The following ZUP1 variants were observed in gnomAD, a reference collection of about 807,000 sequenced individuals.
ZUP1 encodes zinc finger containing ubiquitin peptidase 1, also known as zinc finger-containing ubiquitin peptidase 1.
Under a neutral mutation model 68.1 loss-of-function variants are expected in ZUP1, and 55 were observed. The observed-to-expected ratio is 0.81, with a 90% confidence interval of 0.65 to 1.01. The LOEUF (loss-of-function observed/expected upper bound fraction) is 1.01, where lower values mean the gene tolerates loss of function less well. Ranked by LOEUF, ZUP1 falls within the 50% of genes least tolerant of loss-of-function variation. ZUP1 has a pLI of 0.00. For missense variants in ZUP1, 684 were observed against 674.9 expected (o/e 1.01, Z -0.15); for synonymous variants, 223 against 221.5 (o/e 1.01, Z -0.06).
chr6:116,642,267 A>G (rs1431524816), intron 9 of ZUP1, among the ~76,000 whole-genome samples: 2 of 152,212 alleles, frequency 1.3e-5, no homozygotes, highest in African/African-American at 4.8e-5. Flanking sequence ...ACAAGGAGGA[A>G]CTGGTAACAT....
At chr6:116,650,695 C>T (rs1464391981) in intron 7 of ZUP1, among the ~76,000 whole-genome samples, 1 of 152,054 alleles carries the variant, frequency 6.6e-6, no homozygotes, top group Non-Finnish European at 1.5e-5. Flanking sequence ...CAGTCTCGCT[C>T]CAAAGTTCAA....
rs1177256478 is a variant in ZUP1, at chr6:116,656,788, T to C, written c.857A>G (p.Glu286Gly). ...TGGAGGCATTCTTCCCCTATTTACT[T>C]CTATCTCCATATTTCGTAGTTGTTG... is the stretch of plus-strand genomic sequence containing the variant. Reference protein sequence around the residue: ...KQQQLRNMEIEVNRGRMPPSE... With the variant: ...KQQQLRNMEIGVNRGRMPPSE... The change falls in exon 5 of 10, where the codon GAA becomes GGA. Residue 286 changes from glutamate (E) to glycine (G), a missense_variant. By Grantham distance (98) the Glu-to-Gly change is moderately conservative. Coordinates refer to ENST00000368576, the MANE Select transcript of ZUP1 (RefSeq NM_145062.3). The C allele has an allele frequency of 1.2e-6, 2 of 1,610,914 alleles. No homozygotes were observed. The highest frequency in any genetic ancestry group is 1.7e-6 in the Non-Finnish European group (2 of 1,177,892).
intron 9 of ZUP1, among the ~76,000 whole-genome samples, chr6:116,640,165 C>T (rs34350461): frequency 0.36 from 54,366 of 151,070 alleles, 10,264 homozygotes; most frequent in African/African-American, 0.49. Flanking sequence ...ATGAACAAAG[C>T]CTCCAAGAAA....
intron 2 of ZUP1, among the ~76,000 whole-genome samples, chr6:116,663,891 G>A (rs1776916540): frequency 2.0e-5 from 3 of 152,024 alleles, no homozygotes; most frequent in African/African-American, 7.2e-5. Context: ...AGGCTGCAGT[G>A]AGCCATGATC....
Position 116,667,784 on chromosome 6 carries a change from T to C in ZUP1, c.-15-577A>G, listed in dbSNP as rs1215071228. ...GGTGGAAGCCAAAATGCCAACCCCG[T>C]CGTGCTCCACAGCCTGTACTCTCAG... On this transcript the variant is annotated intron_variant, in intron 1 of 9. Transcript: ENST00000368576. Among the ~76,000 whole-genome samples the C allele has an allele frequency of 2.0e-4, 31 of 152,080 alleles. 1 individual carries two copies. The highest frequency in any genetic ancestry group is 2.0e-3 in the Admixed American group (31 of 15,262).
At chr6:116,648,204 CCT>C (rs1776373723) in intron 7 of ZUP1, among the ~76,000 whole-genome samples, 1 of 152,212 alleles carries the variant, frequency 6.6e-6, no homozygotes, top group East Asian at 1.9e-4. Context: ...TGGTATTCTT[CCT>C]TCAAGAGGAA....
At chr6:116,645,392 G>C (rs1402190852) in intron 9 of ZUP1, among the ~76,000 whole-genome samples, 1 of 151,672 alleles carries the variant, frequency 6.6e-6, no homozygotes, top group Non-Finnish European at 1.5e-5. Context: ...ACCAGCCTGG[G>C]CACCATGGTG....
intron 9 of ZUP1, among the ~76,000 whole-genome samples, chr6:116,639,762 ACT>A (rs1467477848): frequency 2.0e-5 from 3 of 152,178 alleles, no homozygotes; most frequent in Non-Finnish European, 2.9e-5. Context: ...AAAACTGGAA[ACT>A]CTAAAAAGCA....
At chr6:116,649,496 C>T (rs199890129) in intron 7 of ZUP1, among the ~76,000 whole-genome samples, 4 of 151,558 alleles carry the variant, frequency 2.6e-5, no homozygotes, top group African/African-American at 9.7e-5. Context: ...AAATGGAGAC[C>T]GTATGTTTCA....
intron 9 of ZUP1, among the ~76,000 whole-genome samples, chr6:116,639,072 G>A (rs758122968): frequency 6.6e-6 from 1 of 152,222 alleles, no homozygotes; most frequent in Non-Finnish European, 1.5e-5. Context: ...CGCCCACGGA[G>A]TCTCCCTGAT....
intron 5 of ZUP1, 64 bp from the exon 6 acceptor site, chr6:116,652,256 T>G (rs1776531255): frequency 3.1e-6 from 4 of 1,306,294 alleles, no homozygotes; most frequent in African/African-American, 1.5e-5. Context: ...TCATACATTT[T>G]TAATATCAAC....
chr6:116,666,699 T>A lies in ZUP1; in HGVS notation c.494A>T (p.His165Leu), dbSNP rs1296128741. 2 of 1,612,582 alleles carry A rather than the reference T, an allele frequency of 1.2e-6. No individual in the cohort carries two copies. The highest frequency in any genetic ancestry group is 1.7e-6 in the Non-Finnish European group (2 of 1,179,620). ...CACATGAGTTTCCATATCTTCACTG[T>A]GCTCCTCTATTTTTCCACAGAATGG... The part of the protein sequence containing the change: ...ECPFCGKIEE[H>L]SEDMETHVKT... Residue 165 changes from histidine (H) to leucine (L), a missense_variant, in exon 2 of 10, where the codon CAC (histidine) becomes CTC (leucine). By Grantham distance (99) the His-to-Leu change is moderately conservative. Transcript: ENST00000368576.
intron 9 of ZUP1, among the ~76,000 whole-genome samples, chr6:116,641,975 C>T (rs921955874): frequency 1.3e-5 from 2 of 151,956 alleles, no homozygotes; most frequent in African/African-American, 4.8e-5. Context: ...AAGAATCAAA[C>T]AGACGCAATA....
chr6:116,658,782 AATTGTT>A lies in ZUP1; in HGVS notation c.792+15_792+20del. 6.5e-7 allele frequency: 1 copy of A among 1,535,904 alleles called. No individual in the cohort carries two copies. Among genetic ancestry groups the A allele is most frequent in the Non-Finnish European group, 8.9e-7 (1 of 1,127,674 alleles). On this transcript the variant is annotated intron_variant, in intron 4 of 9. Coordinates refer to ENST00000368576, the MANE Select transcript of ZUP1 (RefSeq NM_145062.3). ...TAACTTTACCAAATCAAAATATTAT[AATTGTT>A]ATTAATCTTTGTACCTGCAGCTTCT...
At chr6:116,645,663 C>A (rs1206249105) in intron 9 of ZUP1, 51 bp downstream of exon 9, 185 of 1,235,178 alleles carry the variant, frequency 1.5e-4, no homozygotes, top group South Asian at 6.0e-4. Flanking sequence ...AAGTTTTAAA[C>A]TTTTAAGTTC....
At chr6:116,637,028 T>TA (rs138150894) in intron 9 of ZUP1, among the ~76,000 whole-genome samples, 1 of 152,018 alleles carries the variant, frequency 6.6e-6, no homozygotes, top group South Asian at 2.1e-4. Flanking sequence ...AAACAGATGC[T>TA]AAAAAAAGTT....
chr6:116,651,549 T>G (rs1776491882), intron 7 of ZUP1, 23 bp downstream of exon 7: 6 of 1,532,862 alleles, frequency 3.9e-6, no homozygotes, highest in Non-Finnish European at 5.3e-6. Flanking sequence ...AAATAACATT[T>G]ATTTAGGTTT....
intron 5 of ZUP1, among the ~76,000 whole-genome samples, chr6:116,655,353 A>G (rs1776629975): frequency 6.6e-6 from 1 of 152,296 alleles, no homozygotes; most frequent in South Asian, 2.1e-4. Flanking sequence ...ATATATAAAC[A>G]CCTGCAAAAT....
chr6:116,656,934 G>T (rs577270503), intron 4 of ZUP1, 82 bp from the exon 5 acceptor site: 1 of 896,028 alleles, frequency 1.1e-6, no homozygotes, highest in East Asian at 2.9e-5. Flanking sequence ...ATTTTATTTG[G>T]AAACATGTTG....
Sources: allele counts gnomAD v4.1 joint callset (sites outside exome capture counted in the v4.1 genomes callset), GRCh38; gene constraint gnomAD v4.1.1; transcripts MANE v1.5; gene names NCBI Gene and HGNC (gene_info 2026-07-23, HGNC 2026-07-21).